Variants in GPHN observed in about 807,000 individuals in gnomAD.
GPHN encodes gephyrin.
A neutral mutation model predicts 95.5 loss-of-function variants in GPHN; 17 were observed. That is an observed-to-expected ratio of 0.18 (90% CI 0.12 to 0.27). The LOEUF is 0.27. Among genes scored for constraint, GPHN ranks in the 10% least tolerant of loss-of-function variants. The pLI is 1.00. For synonymous variants in GPHN, 320 were observed against 322.5 expected, an observed-to-expected ratio of 0.99 and a Z score of 0.08; for missense variants, 660 against 978.1, an observed-to-expected ratio of 0.67 and a Z score of 4.34.
chr14:67,292,538 A>T, the GPHN span: 6 of 1,612,762 alleles, frequency 3.7e-6, no homozygotes, highest in Non-Finnish European at 5.1e-6. Flanking sequence ...TCTTCACTTA[A>T]ACATATCCAA....
intron 9 of GPHN, among the ~76,000 whole-genome samples, chr14:67,020,130 T>A (rs2073530718): frequency 6.6e-6 from 1 of 152,072 alleles, no homozygotes; most frequent in Admixed American, 6.5e-5. Context: ...TATTGGGCCA[T>A]CTCTCTCTTT....
intron 1 of GPHN, among the ~76,000 whole-genome samples, chr14:66,597,416 C>T (rs915960211): frequency 1.2e-4 from 19 of 152,132 alleles, no homozygotes; most frequent in African/African-American, 2.4e-5. Flanking sequence ...AAACAAAGTC[C>T]GGAGGGGGCT....
intron 1 of GPHN, among the ~76,000 whole-genome samples, chr14:66,618,323 C>G (rs1296211953): frequency 1.3e-5 from 2 of 152,122 alleles, no homozygotes; most frequent in Non-Finnish European, 2.9e-5. Flanking sequence ...GGTGATCCAC[C>G]TGTGTCTACC....
the GPHN span, chr14:67,198,186 A>G: frequency 6.2e-7 from 1 of 1,613,650 alleles, no homozygotes; most frequent in Non-Finnish European, 8.5e-7. Flanking sequence ...CAGCAAGACT[A>G]CCATGAGGAT....
At chr14:67,446,876 T>G in the GPHN span, among the ~76,000 whole-genome samples, 1 of 151,408 alleles carries the variant, frequency 6.6e-6, no homozygotes, top group South Asian at 2.1e-4. Flanking sequence ...AAAAGAAAGT[T>G]TTTTTTTTTG....
intron 5 of GPHN, among the ~76,000 whole-genome samples, chr14:66,883,272 T>TC (rs1387881502): frequency 6.6e-6 from 1 of 151,946 alleles, no homozygotes; most frequent in African/African-American, 2.4e-5. Flanking sequence ...AGCTGACTTT[T>TC]CCCCTCTTTC....
At chr14:66,908,690 A>G (rs1030665858) in intron 5 of GPHN, among the ~76,000 whole-genome samples, 4 of 152,046 alleles carry the variant, frequency 2.6e-5, no homozygotes, top group Admixed American at 1.3e-4. Context: ...AGAGATCAAG[A>G]TCAGTATCAA....
chr14:67,631,721 T>C, the GPHN span, among the ~76,000 whole-genome samples: 1 of 152,152 alleles, frequency 6.6e-6, no homozygotes, highest in Non-Finnish European at 1.5e-5. Flanking sequence ...TGTGAGCCAC[T>C]GCATCTGGCC....
At chr14:67,698,912 T>C in the GPHN span, among the ~76,000 whole-genome samples, 1 of 152,150 alleles carries the variant, frequency 6.6e-6, no homozygotes, top group Non-Finnish European at 1.5e-5. Context: ...CTGTGGGTCA[T>C]GGTTTGCCAA....
chr14:66,627,493 T>C (rs965643403), intron 1 of GPHN, among the ~76,000 whole-genome samples: 1 of 152,096 alleles, frequency 6.6e-6, no homozygotes, highest in Non-Finnish European at 1.5e-5. Context: ...CTATTGCTTG[T>C]TTCATAATTT....
At chr14:67,469,432 A>C in the GPHN span, among the ~76,000 whole-genome samples, 1 of 138,028 alleles carries the variant, frequency 7.2e-6, no homozygotes, top group Middle Eastern at 4.0e-3. Flanking sequence ...GTGTGCCACC[A>C]TGCCTGGCTT....
intron 18 of GPHN, among the ~76,000 whole-genome samples, chr14:67,154,306 A>G (rs1176752204): frequency 1.3e-5 from 2 of 152,158 alleles, no homozygotes; most frequent in African/African-American, 4.8e-5. Context: ...CCTCTTCTAG[A>G]ATGACCTTTC....
the GPHN span, among the ~76,000 whole-genome samples, chr14:67,217,834 TG>T: frequency 1.5e-3 from 222 of 152,354 alleles, no homozygotes; most frequent in African/African-American, 5.1e-3. Flanking sequence ...GGAGAATTAT[TG>T]TTTTTCTTTG....
chr14:66,561,750 A>C (rs762637203), intron 1 of GPHN, among the ~76,000 whole-genome samples: 9 of 152,204 alleles, frequency 5.9e-5, no homozygotes, highest in African/African-American at 2.2e-4. Context: ...CAAAATTACC[A>C]TAAATGTTGT....
At chr14:67,575,455 C>A in the GPHN span, 3 of 1,604,698 alleles carry the variant, frequency 1.9e-6, no homozygotes, top group Admixed American at 1.7e-5. Context: ...CTACTACTAT[C>A]GGAGCCATGA....
chr14:66,612,982 A>G, intron 1 of GPHN, among the ~76,000 whole-genome samples: 1 of 152,182 alleles, frequency 6.6e-6, no homozygotes, highest in Middle Eastern at 3.4e-3. Flanking sequence ...GTTTTTAGCT[A>G]TTATGAGTAA....
chr14:66,837,094 G>A (rs1345739200), intron 4 of GPHN, among the ~76,000 whole-genome samples: 4 of 151,018 alleles, frequency 2.6e-5, no homozygotes, highest in African/African-American at 4.9e-5. Context: ...CCATTACTGG[G>A]TATATACCCA....
At chr14:67,292,497 TC>T in the GPHN span, 6 of 1,559,792 alleles carry the variant, frequency 3.8e-6, no homozygotes, top group Non-Finnish European at 5.3e-6. Context: ...GGATACCTTT[TC>T]TTCTTCTACT....
chr14:67,588,347 A>C, the GPHN span: 1 of 152,544 alleles, frequency 6.6e-6, no homozygotes, highest in African/African-American at 2.4e-5. Flanking sequence ...ACCACCAAAA[A>C]TGAGTCAGAA....
Sources: gnomAD v4.1 joint callset for allele counts (sites outside exome capture counted in the v4.1 genomes callset) on GRCh38, gnomAD v4.1.1 for gene constraint, MANE v1.5 for transcripts, NCBI Gene and HGNC (gene_info 2026-07-23, HGNC 2026-07-21) for gene names.